Variants in SRGAP1 observed in about 807,000 individuals in gnomAD.
SRGAP1 encodes the protein SLIT-ROBO Rho GTPase activating protein 1.
Under a neutral mutation model 121.9 loss-of-function variants are expected in SRGAP1, and 43 were observed. The observed-to-expected ratio is 0.35, with a 90% CI of 0.28 to 0.46. The LOEUF (loss-of-function observed/expected upper bound fraction) is 0.46, where lower values mean the gene tolerates loss of function less well. SRGAP1 is among the 20% of genes least tolerant of loss of function. SRGAP1 has a pLI of 1.00. For missense variants in SRGAP1, 1,102 were observed against 1,350.9 expected (o/e 0.82, Z 2.89); for synonymous variants, 447 against 485.4 (o/e 0.92, Z 1.04).
At chr12:64,129,705 C>G (rs2036753323) in intron 21 of SRGAP1, among the ~76,000 whole-genome samples, 1 of 152,304 alleles carries the variant, frequency 6.6e-6, no homozygotes. Context: ...AATCCCCAAC[C>G]CAAATGCTAT....
At chr12:63,884,485 A>T (rs1293522186) in intron 1 of SRGAP1, among the ~76,000 whole-genome samples, 3 of 152,172 alleles carry the variant, frequency 2.0e-5, no homozygotes, top group African/African-American at 7.2e-5. Flanking sequence ...TGATCTAGCC[A>T]GGGTAGTTAG....
chr12:63,942,934 A>G (rs1378698080), intron 1 of SRGAP1, among the ~76,000 whole-genome samples: 3 of 152,246 alleles, frequency 2.0e-5, no homozygotes, highest in Non-Finnish European at 4.4e-5. Flanking sequence ...AATTTTCAAT[A>G]GAAGCATTAA....
Position 63,983,957 on chromosome 12 carries a change from T to A in SRGAP1, c.78T>A (p.Ala26=), listed in dbSNP as rs148921790. 1.4e-4 allele frequency: 206 copies of A among 1,498,718 alleles called. No individual in the cohort carries two copies. Among genetic ancestry groups the A allele is most frequent in the Non-Finnish European group, 1.7e-4 (186 of 1,112,752 alleles). The allele number at this position is 1,498,718 out of a possible 1,614,324, so 92.8% of individuals were successfully genotyped here. ...CTCTTCTCTCCTTAGAAATTCGAGC[T>A]CAACTGGTAGAACAACAAAAATGCC... ...EYESQVKEIR[A]QLVEQQKCLE... The change falls in exon 2 of 22, where the codon GCT becomes GCA. Residue 26 remains alanine (A), a synonymous_variant. Coordinates refer to ENST00000355086, the MANE Select transcript of SRGAP1 (RefSeq NM_020762.4).
rs1208805669 is a variant in SRGAP1, at chr12:64,074,624, A to G, written c.1126-4295A>G. Among the ~76,000 whole-genome samples, 9 of 152,126 alleles carry G rather than the reference A, an allele frequency of 5.9e-5. No individual in the cohort carries two copies. In the East Asian group the frequency reaches 1.7e-3, roughly 29 times the overall value. ...TACATACTCAAAATTTATCTTTTGA[A>G]TGGCACCTTCCCTGACTTCTCAGAC... On this transcript the variant is annotated intron_variant, in intron 8 of 21. Transcript: ENST00000355086.
chr12:63,958,555 G>A (rs116958638), intron 1 of SRGAP1, among the ~76,000 whole-genome samples: 155 of 152,314 alleles, frequency 1.0e-3, no homozygotes, highest in Non-Finnish European at 2.0e-3. Flanking sequence ...GTGAAGTAGA[G>A]CACAGAGGAT....
chr12:63,933,074 G>A (rs113981708), intron 1 of SRGAP1, among the ~76,000 whole-genome samples: 3,410 of 152,238 alleles, frequency 0.022, 114 homozygotes, highest in African/African-American at 0.077. Context: ...TGTAGTCCCA[G>A]CTACTCAGGA....
Position 63,890,225 on chromosome 12 carries a change from C to T in SRGAP1, c.67+45342C>T, listed in dbSNP as rs749918839. On this transcript the variant is annotated intron_variant, in intron 1 of 21. Coordinates refer to ENST00000355086, the MANE Select transcript of SRGAP1 (RefSeq NM_020762.4). The stretch of plus-strand genomic sequence containing the variant: ...GTTAGTGCTGTTTTTACCAGAAAAG[C>T]GTGAAACCGTTTGTTTTTGAAGAGC... 5.3e-5 allele frequency among the ~76,000 whole-genome samples: 8 copies of T among 152,218 alleles called. No homozygotes were observed. The East Asian group carries it at 1.2e-3, about 22-fold the overall frequency.
intron 1 of SRGAP1, among the ~76,000 whole-genome samples, chr12:63,900,173 C>T (rs963151212): frequency 6.8e-6 from 1 of 146,854 alleles, no homozygotes; most frequent in Non-Finnish European, 1.5e-5. Context: ...TCTCCGTTTG[C>T]CCTTGCTTTT....
chr12:64,098,146 G>C (rs11832841), intron 15 of SRGAP1, among the ~76,000 whole-genome samples: 13,452 of 151,724 alleles, frequency 0.089, 1,348 homozygotes, highest in African/African-American at 0.25. Context: ...AGAAATCTCC[G>C]TACAGTCCCT....
chr12:64,061,165 CAAATTAAAGAT>C (rs1185834146), intron 6 of SRGAP1, among the ~76,000 whole-genome samples: 38 of 151,888 alleles, frequency 2.5e-4, no homozygotes, highest in African/African-American at 9.2e-4. Flanking sequence ...AATACAAATG[CAAATTAAAGAT>C]AATGAAGATT....
chr12:63,887,152 G>A (rs1900414657), intron 1 of SRGAP1, among the ~76,000 whole-genome samples: 1 of 152,210 alleles, frequency 6.6e-6, no homozygotes, highest in South Asian at 2.1e-4. Context: ...GGGATTACAG[G>A]CGTGAGCCAC....
At chr12:63,865,644 C>T (rs1044991042) in intron 1 of SRGAP1, among the ~76,000 whole-genome samples, 17 of 152,176 alleles carry the variant, frequency 1.1e-4, no homozygotes, top group African/African-American at 3.4e-4. Context: ...TGAAGCAAAA[C>T]TTTGTAACCC....
chr12:63,993,549 G>A (rs1350140), intron 3 of SRGAP1, among the ~76,000 whole-genome samples: 76,441 of 151,972 alleles, frequency 0.5, 19,475 homozygotes, highest in African/African-American at 0.58. Context: ...TTTCAATAAT[G>A]TCCCCATGTC....
chr12:63,976,085 C>T (rs941419814), intron 1 of SRGAP1, among the ~76,000 whole-genome samples: 1 of 152,170 alleles, frequency 6.6e-6, no homozygotes, highest in African/African-American at 2.4e-5. Context: ...CCCACTGATG[C>T]TTCTAAGCAT....
intron 1 of SRGAP1, among the ~76,000 whole-genome samples, chr12:63,906,709 T>C (rs1056918369): frequency 3.9e-5 from 6 of 152,208 alleles, no homozygotes; most frequent in Non-Finnish European, 2.9e-5. Context: ...CAAGTAACAA[T>C]CATGAAGCTA....
At chr12:63,892,898 G>A (rs142614230) in intron 1 of SRGAP1, among the ~76,000 whole-genome samples, 2,669 of 152,210 alleles carry the variant, frequency 0.018, 30 homozygotes, top group South Asian at 0.049. Flanking sequence ...AAAAAAAATT[G>A]TAGCAATTAT....
At position 64,130,387 on chromosome 12, in the gene SRGAP1, G is replaced by A. The variant is rs142872355; in HGVS notation, c.2880+2187G>A. 8.3e-4 allele frequency among the ~76,000 whole-genome samples: 127 copies of A among 152,284 alleles called. No individual in the cohort carries two copies. The East Asian group carries it at 9.6e-3, about 12-fold the overall frequency. On this transcript the variant is annotated intron_variant, in intron 21 of 21. Coordinates refer to ENST00000355086, the MANE Select transcript of SRGAP1 (RefSeq NM_020762.4). ...GACCTCTAGGCCAGCAGAACATAAT[G>A]TCGCGGGAACAGGAAGTAAAAATGT... is the stretch of plus-strand genomic sequence containing the variant.
At chr12:63,970,118 C>A (rs779965648) in intron 1 of SRGAP1, among the ~76,000 whole-genome samples, 9 of 152,176 alleles carry the variant, frequency 5.9e-5, no homozygotes, top group Non-Finnish European at 1.0e-4. Flanking sequence ...CTACTTCCGC[C>A]TCTTTTCCAA....
chr12:64,014,429 C>T (rs2034344170), intron 3 of SRGAP1, among the ~76,000 whole-genome samples: 1 of 152,048 alleles, frequency 6.6e-6, no homozygotes, highest in Non-Finnish European at 1.5e-5. Flanking sequence ...CACATGGACA[C>T]ATAGAAGGGA....
Sources: allele counts gnomAD v4.1 joint callset (sites outside exome capture counted in the v4.1 genomes callset), GRCh38; gene constraint gnomAD v4.1.1; transcripts MANE v1.5; gene names NCBI Gene and HGNC (gene_info 2026-07-23, HGNC 2026-07-21).